The following RBM28 variants were observed in gnomAD, a reference collection of about 807,000 sequenced individuals.
The protein encoded by RBM28 is RNA-binding protein 28.
In RBM28, 78 loss-of-function variants were observed where a neutral mutation model predicts 98.3. The ratio of observed to expected loss-of-function variants is 0.79; its 90% CI spans 0.66 to 0.96. The LOEUF (loss-of-function observed/expected upper bound fraction) is 0.96. Ranked by LOEUF, RBM28 falls within the 40% of genes least tolerant of loss-of-function variation. The pLI, the probability that RBM28 is intolerant of heterozygous loss-of-function variation, is 0.00. For missense variants in RBM28, 838 were observed against 913.0 expected (o/e 0.92, Z 1.06); for synonymous variants, 306 against 330.9 (o/e 0.92, Z 0.82).
Position 128,336,052 on chromosome 7 carries a change from G to C in RBM28, c.614-10C>G. On this transcript the variant is annotated splice_polypyrimidine_tract_variant and intron_variant, in intron 6 of 18. Coordinates refer to ENST00000223073, the MANE Select transcript of RBM28 (RefSeq NM_018077.3). The stretch of plus-strand genomic sequence containing the variant: ...TGGCTCTTTTCCTCACCTATGGAGG[G>C]AGGTAAAGAAAGGAGGAATTCATTT... 1 of 1,603,466 alleles carries C rather than the reference G, an allele frequency of 6.2e-7. No individual in the cohort carries two copies. The highest frequency in any genetic ancestry group is 1.7e-4 in the Middle Eastern group (1 of 6,054).
At position 128,304,689 on chromosome 7, in the gene RBM28, C is replaced by T. The variant is rs1280993032; in HGVS notation, c.*6108G>A. On this transcript the variant is annotated 3_prime_UTR_variant, in exon 19 of 19. Transcript: ENST00000223073. ...CTCTGCCTCCAAGAGGTGTTCTTCG[C>T]TTTGTGGCATTACCTCTCTGAAGTA... 1.3e-5 allele frequency: 2 copies of T among 152,254 alleles called. No individual in the cohort carries two copies. The highest frequency in any genetic ancestry group is 3.9e-4 in the East Asian group (2 of 5,192). The allele number at this position is 152,254 out of a possible 1,614,324, so 9.4% of individuals were successfully genotyped here. A position where few individuals can be genotyped will look rare whatever the true frequency, so the allele number is the denominator to read the frequency against.
Position 128,310,842 on chromosome 7 carries a change from A to G in RBM28, c.2235T>C (p.Ser745=). The G allele has an allele frequency of 6.2e-7, 1 of 1,614,216 alleles. No homozygotes were observed. The highest frequency in any genetic ancestry group is 8.5e-7 in the Non-Finnish European group (1 of 1,180,016). ...TCCTCTTTGCAAGAGGTGCTCCTTT[A>G]GAAGGTCCCAATAATTTCTGCTTAT... ...EQYKQKLLGP[S]KGAPLAKRSK... The change falls in exon 19 of 19, where the codon TCT becomes TCC. Residue 745 remains serine (S), a synonymous_variant. Coordinates refer to ENST00000223073, the MANE Select transcript of RBM28 (RefSeq NM_018077.3).
chr7:128,331,697 T>C (rs1796484106), intron 9 of RBM28, among the ~76,000 whole-genome samples: 1 of 151,738 alleles, frequency 6.6e-6, no homozygotes, highest in Admixed American at 6.5e-5. Context: ...AACTACTTAC[T>C]TCTCTCGATG....
chr7:128,343,513 A>C (rs1242816607), intron 1 of RBM28, among the ~76,000 whole-genome samples, 163 bp downstream of exon 1: 1 of 152,030 alleles, frequency 6.6e-6, no homozygotes, highest in Non-Finnish European at 1.5e-5. Flanking sequence ...TCATAAACTG[A>C]CTCCTATGAA....
intron 18 of RBM28, 64 bp from the exon 19 acceptor site, chr7:128,310,995 T>G: frequency 1.3e-6 from 2 of 1,520,104 alleles, no homozygotes; most frequent in Non-Finnish European, 1.8e-6. Flanking sequence ...CACCTTACCC[T>G]CAGGCCACCC....
At position 128,305,715 on chromosome 7, in the gene RBM28, G is replaced by C. The variant is rs936716775; in HGVS notation, c.*5082C>G. On this transcript the variant is annotated 3_prime_UTR_variant, in exon 19 of 19. Coordinates refer to ENST00000223073, the MANE Select transcript of RBM28 (RefSeq NM_018077.3). Reference sequence around the variant, plus strand: ...AGACTGGGAGTCCCTTGGGTAGCGGGGGACAGGAATGGGATTGGCTTTGGC... The same window carrying C: ...AGACTGGGAGTCCCTTGGGTAGCGGCGGACAGGAATGGGATTGGCTTTGGC... The C allele has an allele frequency of 6.6e-6, 1 of 152,272 alleles. No homozygotes were observed. Among genetic ancestry groups the C allele is most frequent in the Non-Finnish European group, 1.5e-5 (1 of 68,102 alleles). 9.4% of individuals were successfully genotyped at this position (152,272 alleles called of 1,614,324 possible).
intron 4 of RBM28, 113 bp downstream of exon 4, chr7:128,338,613 G>A: frequency 1.2e-6 from 1 of 849,872 alleles, no homozygotes; most frequent in Non-Finnish European, 2.0e-6. Context: ...CATTATTTGG[G>A]TTTTCATTAG....
At chr7:128,337,589 C>T (rs914745899) in intron 5 of RBM28, among the ~76,000 whole-genome samples, 7 of 134,686 alleles carry the variant, frequency 5.2e-5, no homozygotes, top group South Asian at 2.3e-4. Context: ...GACACAGTCT[C>T]GCTCTGTCGC....
chr7:128,301,247 C>G lies in RBM28; in HGVS notation c.*9550G>C, dbSNP rs1428379373. The G allele has an allele frequency of 6.6e-6, 1 of 152,258 alleles. No individual in the cohort carries two copies. The highest frequency in any genetic ancestry group is 2.4e-5 in the African/African-American group (1 of 41,458). 9.4% of individuals were successfully genotyped at this position (152,258 alleles called of 1,614,324 possible). On this transcript the variant is annotated 3_prime_UTR_variant, in exon 19 of 19. Coordinates refer to ENST00000223073, the MANE Select transcript of RBM28 (RefSeq NM_018077.3). ...TTTACAGTGGCTATTTCATTTAGTA[C>G]TAGGGGGCTTTTTGCCTGTATTTTA...
In RBM28 at chr7:128,343,659, G is replaced by C. The variant is rs188011049; in HGVS notation, c.118+17C>G. 1.9e-6 allele frequency: 3 copies of C among 1,591,824 alleles called. No individual in the cohort carries two copies. The highest frequency in any genetic ancestry group is 2.3e-5 in the East Asian group (1 of 43,434). ...CGCAGGAAACCCCAGCCCTATCCTC[G>C]ACCGCCCCGCCCCTACCTTTTTCAG... is the stretch of plus-strand genomic sequence containing the variant. On this transcript the variant is annotated intron_variant, in intron 1 of 18. Coordinates refer to ENST00000223073, the MANE Select transcript of RBM28 (RefSeq NM_018077.3).
At chr7:128,338,194 A>T in intron 5 of RBM28, 56 bp downstream of exon 5, 1 of 1,342,280 alleles carries the variant, frequency 7.5e-7, no homozygotes, top group Non-Finnish European at 1.1e-6. Context: ...TTACTACACT[A>T]ATTCACCAAA....
At chr7:128,340,548 G>C (rs575491386) in intron 1 of RBM28, among the ~76,000 whole-genome samples, 2 of 152,140 alleles carry the variant, frequency 1.3e-5, no homozygotes, top group Non-Finnish European at 2.9e-5. Flanking sequence ...AAAGTACCTA[G>C]TTTCAGGTAT....
rs769239622 is a variant in RBM28, at chr7:128,330,939, T to C, written c.1020-11A>G. On this transcript the variant is annotated splice_polypyrimidine_tract_variant and intron_variant, in intron 9 of 18. Transcript: ENST00000223073. Reference sequence around the variant, plus strand: ...TCAAAGGACAGATTTCTATGGAAGATAACCAGATGATCACAAGAAAAGTCA... The same window carrying C: ...TCAAAGGACAGATTTCTATGGAAGACAACCAGATGATCACAAGAAAAGTCA... 6.3e-7 allele frequency: 1 copy of C among 1,575,582 alleles called. No individual in the cohort carries two copies. The highest frequency in any genetic ancestry group is 1.3e-5 in the African/African-American group (1 of 74,142).
Position 128,310,702 on chromosome 7 carries a change from CT to C in RBM28, c.*94del, listed in dbSNP as rs1795962203. The C allele has an allele frequency of 9.1e-6, 14 of 1,535,398 alleles. 1 individual carries two copies. The South Asian group carries it at 1.5e-4, about 16-fold the overall frequency. On this transcript the variant is annotated 3_prime_UTR_variant, in exon 19 of 19. Coordinates refer to ENST00000223073, the MANE Select transcript of RBM28 (RefSeq NM_018077.3). Reference sequence around the variant, plus strand: ...CAGTGGCAGTGCCCTTGGGGATTTTCTTTCCCTCAGTGAGAGACACGGGGGA... The same window carrying C: ...CAGTGGCAGTGCCCTTGGGGATTTTCTTCCCTCAGTGAGAGACACGGGGGA...
rs147830323 is a variant in RBM28 at position 128,339,091 on chromosome 7, A to G, written c.372+136T>C. 9.0e-4 allele frequency: 794 copies of G among 881,726 alleles called. 6 individuals are homozygous for G. In the African/African-American group the frequency reaches 0.011, roughly 12 times the overall value. 54.6% of individuals were successfully genotyped at this position (881,726 alleles called of 1,614,324 possible). A position where few individuals can be genotyped will look rare whatever the true frequency, so the allele number is the denominator to read the frequency against. On this transcript the variant is annotated intron_variant, in intron 3 of 18. Transcript: ENST00000223073. ...CTTATTACACAGGCCCACTTTCTGA[A>G]TTCAACAGGGGTAAGGTTGATTCCC...
At chr7:128,310,986 A>C in intron 18 of RBM28, 55 bp from the exon 19 acceptor site, 2 of 1,563,638 alleles carry the variant, frequency 1.3e-6, no homozygotes, top group Non-Finnish European at 1.8e-6. Context: ...ACTATATATC[A>C]CCTTACCCTC....
At chr7:128,336,108 G>A in intron 6 of RBM28, 66 bp from the exon 7 acceptor site, 1 of 1,417,662 alleles carries the variant, frequency 7.1e-7, no homozygotes, top group Non-Finnish European at 9.7e-7. Flanking sequence ...TTTAACAAAA[G>A]TAACCAATAC....
chr7:128,343,663 GC>G lies in RBM28; in HGVS notation c.118+12del. 1 of 1,593,850 alleles carries G rather than the reference GC, an allele frequency of 6.3e-7. No homozygotes were observed. The stretch of plus-strand genomic sequence containing the variant: ...GGAAACCCCAGCCCTATCCTCGACC[GC>G]CCCGCCCCTACCTTTTTCAGTCACC... On this transcript the variant is annotated intron_variant, in intron 1 of 18. Transcript: ENST00000223073.
chr7:128,324,520 C>A (rs775552295), intron 12 of RBM28, 39 bp downstream of exon 12: 1 of 1,613,884 alleles, frequency 6.2e-7, no homozygotes, highest in South Asian at 1.1e-5. Flanking sequence ...TGGCACAGGG[C>A]CAGGTACTTA....
Sources: allele counts gnomAD v4.1 joint callset (sites outside exome capture counted in the v4.1 genomes callset), GRCh38; gene constraint gnomAD v4.1.1; transcripts MANE v1.5; gene names NCBI Gene and HGNC (gene_info 2026-07-23, HGNC 2026-07-21).